RUBCN: variants seen among roughly 807,000 people sequenced by gnomAD.
RUBCN encodes run domain Beclin-1-interacting and cysteine-rich domain-containing protein.
A neutral mutation model predicts 113.2 loss-of-function variants in RUBCN; 74 were observed. That is an observed-to-expected ratio of 0.65 (90% CI 0.54 to 0.79). The LOEUF (loss-of-function observed/expected upper bound fraction) is 0.79, where lower values mean the gene tolerates loss of function less well. Ranked by LOEUF, RUBCN falls within the 30% of genes least tolerant of loss-of-function variation. The pLI is 0.00. For synonymous variants in RUBCN, 480 were observed against 490.0 expected (o/e 0.98, Z 0.27); for missense variants, 1,109 against 1,251.7 (o/e 0.89, Z 1.72).
intron 2 of RUBCN, among the ~76,000 whole-genome samples, chr3:197,712,608 C>A (rs903558156): frequency 6.6e-6 from 1 of 152,156 alleles, no homozygotes; most frequent in African/African-American, 2.4e-5. Context: ...CGGCACGGAT[C>A]TTTTGATTCT....
upstream of RUBCN, among the ~76,000 whole-genome samples, chr3:197,739,589 C>G (rs994675058): frequency 1.5e-4 from 23 of 149,010 alleles, no homozygotes; most frequent in Non-Finnish European, 2.1e-4. Flanking sequence ...CCAGCTACTC[C>G]GGAGGCTGAG....
rs374214486 is a variant in RUBCN at position 197,677,558 on chromosome 3, G to C, written c.2431-17C>G. The C allele has an allele frequency of 3.1e-6, 5 of 1,612,902 alleles. No individual in the cohort carries two copies. The highest frequency in any genetic ancestry group is 3.4e-6 in the Non-Finnish European group (4 of 1,179,102). ...CCGCAGCAGCTGAAAAGAAAGAGAG[G>C]GGGGCAGGAGTGGGAGGGAGATGTG... On this transcript the variant is annotated splice_polypyrimidine_tract_variant and intron_variant, in intron 16 of 19. Transcript: ENST00000296343.
chr3:197,688,920 T>C lies in RUBCN; in HGVS notation c.1787-4703A>G, dbSNP rs969804520. On this transcript the variant is annotated intron_variant, in intron 11 of 19. Coordinates refer to ENST00000296343, the MANE Select transcript of RUBCN (RefSeq NM_014687.4). Reference sequence around the variant, plus strand: ...ATTCACTGTAAACTGACACAAGGGATACTACTGGGGCGATGACAATGTTTT... The same window carrying C: ...ATTCACTGTAAACTGACACAAGGGACACTACTGGGGCGATGACAATGTTTT... 2.0e-5 allele frequency among the ~76,000 whole-genome samples: 3 copies of C among 152,258 alleles called. No homozygotes were observed. The East Asian group carries it at 5.8e-4, about 29-fold the overall frequency.
Position 197,675,821 on chromosome 3 carries a change from G to T in RUBCN, c.2647-306C>A, listed in dbSNP as rs1720336746. Among the ~76,000 whole-genome samples, 1 of 150,552 alleles carries T rather than the reference G, an allele frequency of 6.6e-6. No homozygotes were observed. The highest frequency in any genetic ancestry group is 1.5e-5 in the Non-Finnish European group (1 of 67,320). ...GCTTCCTAAGCCGACAGTCCCATCT[G>T]GGTCATGATTTTATTTCAGAATAGG... On this transcript the variant is annotated intron_variant, in intron 18 of 19. Transcript: ENST00000296343. This position sits in a 1 kb window ranked among gnomAD's most constrained non-coding sequence, Gnocchi z 4.4.
chr3:197,690,972 C>T (rs1202495527), intron 11 of RUBCN: 3 of 609,040 alleles, frequency 4.9e-6, no homozygotes, highest in South Asian at 3.0e-5. Flanking sequence ...CTACAGTCCT[C>T]GTAACCTTGA....
intron 16 of RUBCN, among the ~76,000 whole-genome samples, chr3:197,680,392 A>C (rs1580160608): frequency 7.4e-6 from 1 of 135,516 alleles, no homozygotes; most frequent in Non-Finnish European, 1.6e-5. Context: ...CTGTGCTCTA[A>C]CTGACAACTG....
rs1372174116 is a variant in RUBCN, at chr3:197,670,374, GATGATTGA to G, written c.*4636_*4643del. ...CATCTATAGATGTTTGGGATTGACG[GATGATTGA>G]ATGAATAAATAAATGCTGGGCTGCC... is the stretch of plus-strand genomic sequence containing the variant. On this transcript the variant is annotated 3_prime_UTR_variant, in exon 20 of 20. Transcript: ENST00000296343. 6.6e-6 allele frequency among the ~76,000 whole-genome samples: 1 copy of G among 152,224 alleles called. No homozygotes were observed. Among genetic ancestry groups the G allele is most frequent in the Non-Finnish European group, 1.5e-5 (1 of 68,044 alleles).
At chr3:197,678,737 C>A (rs568024787) in intron 16 of RUBCN, among the ~76,000 whole-genome samples, 1 of 148,484 alleles carries the variant, frequency 6.7e-6, no homozygotes, top group Non-Finnish European at 1.5e-5. Context: ...GACTGTCCTA[C>A]GCTCTAACTG....
intron 11 of RUBCN, among the ~76,000 whole-genome samples, chr3:197,686,795 A>C (rs1560415137): frequency 2.0e-5 from 3 of 152,246 alleles, no homozygotes. Context: ...AAAAACAAGT[A>C]TTGTTTTGCA....
At chr3:197,728,531 GAA>G (rs1727016059) in intron 1 of RUBCN, among the ~76,000 whole-genome samples, 1 of 152,164 alleles carries the variant, frequency 6.6e-6, no homozygotes, top group Admixed American at 6.6e-5. Context: ...GAAATGCGAA[GAA>G]AGTGGCACTT....
intron 2 of RUBCN, among the ~76,000 whole-genome samples, 193 bp from the exon 3 acceptor site, chr3:197,705,368 G>C (rs972909730): frequency 1.3e-5 from 2 of 151,530 alleles, no homozygotes; most frequent in South Asian, 4.2e-4. Flanking sequence ...ACTTCAGGAG[G>C]ACTGCTTGAG....
In RUBCN at chr3:197,681,579, T is replaced by C. The variant is rs892966249; in HGVS notation, c.2192-212A>G. Among the ~76,000 whole-genome samples the C allele has an allele frequency of 6.6e-6, 1 of 152,138 alleles. No individual in the cohort carries two copies. The highest frequency in any genetic ancestry group is 2.4e-5 in the African/African-American group (1 of 41,408). On this transcript the variant is annotated intron_variant, in intron 15 of 19. Transcript: ENST00000296343. The surrounding 1 kb of genome is among the most constrained non-coding windows in gnomAD (Gnocchi z 5.5). ...GAGGCCCTGAGGAAATAAAACCAGC[T>C]GGAGATAGTAAGATCCCGCCTTACC...
At position 197,677,472 on chromosome 3, in the gene RUBCN, G is replaced by C; in HGVS notation, c.2492+8C>G. The C allele has an allele frequency of 6.2e-7, 1 of 1,613,126 alleles. No individual in the cohort carries two copies. The highest frequency in any genetic ancestry group is 1.3e-5 in the African/African-American group (1 of 75,030). ...TGGCCAGAGGGCTCTAGCTCCAAAA[G>C]GACTTACTCCTTGGCCAGTCGGCAA... On this transcript the variant is annotated splice_region_variant and intron_variant, in intron 17 of 19. Coordinates refer to ENST00000296343, the MANE Select transcript of RUBCN (RefSeq NM_014687.4).
rs1728194991 is a variant in RUBCN, at chr3:197,736,818, G to A, written c.-99C>T. On this transcript the variant is annotated 5_prime_UTR_variant, in exon 1 of 20. Transcript: ENST00000296343. ...CCCTGGGGCCGGAGGAGGCACCTGC[G>A]GCCGGTGGGCTCCGGGTGATGCGCT... 3.5e-6 allele frequency: 5 copies of A among 1,436,388 alleles called. No individual in the cohort carries two copies. In the South Asian group the frequency reaches 4.3e-5, roughly 12 times the overall value. The allele number at this position is 1,436,388 out of a possible 1,614,324, so 89.0% of individuals were successfully genotyped here.
intron 13 of RUBCN, among the ~76,000 whole-genome samples, chr3:197,682,949 A>G (rs1413008555): frequency 6.6e-6 from 1 of 152,160 alleles, no homozygotes; most frequent in East Asian, 1.9e-4. Flanking sequence ...CTGTCCCTGC[A>G]CCCATCCCAG....
At chr3:197,738,871 G>A (rs1309506630), upstream of RUBCN, among the ~76,000 whole-genome samples, 1 of 152,042 alleles carries the variant, frequency 6.6e-6, no homozygotes, top group Non-Finnish European at 1.5e-5. Flanking sequence ...TGGGATTACA[G>A]GCATGAGGCA....
At chr3:197,719,488 A>AT (rs1183953949) in intron 1 of RUBCN, among the ~76,000 whole-genome samples, 1 of 151,666 alleles carries the variant, frequency 6.6e-6, no homozygotes, top group Non-Finnish European at 1.5e-5. Context: ...AAAAAAAAAA[A>AT]AAAAAAAAAA....
chr3:197,717,087 T>C (rs1725597873), intron 2 of RUBCN, among the ~76,000 whole-genome samples: 1 of 150,554 alleles, frequency 6.6e-6, no homozygotes, highest in Non-Finnish European at 1.5e-5. Flanking sequence ...TGTCATTGCA[T>C]TCCAGCCTGG....
intron 1 of RUBCN, among the ~76,000 whole-genome samples, chr3:197,723,473 AC>A (rs1726394095): frequency 6.6e-6 from 1 of 152,214 alleles, no homozygotes; most frequent in African/African-American, 2.4e-5. Context: ...GGTGTGAGCC[AC>A]CATGCCAGGC....
Sources: gnomAD v4.1 joint callset for allele counts (sites outside exome capture counted in the v4.1 genomes callset) on GRCh38, gnomAD v4.1.1 for gene constraint, Gnocchi (gnomAD v3.1) non-coding constraint, MANE v1.5 for transcripts, NCBI Gene and HGNC (gene_info 2026-07-23, HGNC 2026-07-21) for gene names.